The following DTNA variants were observed in gnomAD, a reference collection of about 807,000 sequenced individuals.
The protein encoded by DTNA is dystrophin-related protein 3.
A neutral mutation model predicts 100.7 loss-of-function variants in DTNA; 43 were observed. The ratio of observed to expected loss-of-function variants is 0.43; its 90% confidence interval spans 0.33 to 0.55. The LOEUF is 0.55. Ranked by LOEUF, DTNA falls within the 20% of genes least tolerant of loss-of-function variation. The pLI is 0.04. For synonymous variants in DTNA, 349 were observed against 347.9 expected (o/e 1.00, Z -0.04); for missense variants, 798 against 953.9 (o/e 0.84, Z 2.15).
chr18:34,629,256 T>C (rs2057756089), intron 1 of DTNA, among the ~76,000 whole-genome samples: 1 of 152,200 alleles, frequency 6.6e-6, no homozygotes, highest in South Asian at 2.1e-4. Context: ...TGCTTGAAAA[T>C]TTTTCTTATT....
chr18:34,860,521 A>G (rs2096610946), intron 16 of DTNA, among the ~76,000 whole-genome samples: 2 of 152,164 alleles, frequency 1.3e-5, no homozygotes, highest in African/African-American at 4.8e-5. Flanking sequence ...GACGAAATGA[A>G]GCAAGTTCTT....
chr18:34,617,909 C>CTATAATATATAACATGGG (rs1389949191), intron 1 of DTNA, among the ~76,000 whole-genome samples: 1 of 152,196 alleles, frequency 6.6e-6, no homozygotes, highest in Non-Finnish European at 1.5e-5. Flanking sequence ...TGGTCTGACA[C>CTATAATATATAACATGGG]TTAACCCATG....
chr18:34,596,824 C>T (rs896383144), intron 1 of DTNA, among the ~76,000 whole-genome samples: 1 of 152,080 alleles, frequency 6.6e-6, no homozygotes, highest in African/African-American at 2.4e-5. Flanking sequence ...TGTTTTCTGA[C>T]TTTATTTGAG....
chr18:34,497,026 G>A (rs995629476), intron 1 of DTNA, among the ~76,000 whole-genome samples: 2 of 152,132 alleles, frequency 1.3e-5, no homozygotes, highest in Non-Finnish European at 2.9e-5. Context: ...TAAAGCACAT[G>A]GAACATGTGC....
chr18:34,571,181 C>CT (rs1181819555), intron 1 of DTNA, among the ~76,000 whole-genome samples: 2 of 152,176 alleles, frequency 1.3e-5, no homozygotes, highest in Non-Finnish European at 2.9e-5. Context: ...GTTCTCAACT[C>CT]TAACTACAGA....
chr18:34,777,394 G>C (rs939803118), intron 3 of DTNA, among the ~76,000 whole-genome samples: 1 of 152,140 alleles, frequency 6.6e-6, no homozygotes, highest in Non-Finnish European at 1.5e-5. Context: ...TACCACTGGA[G>C]GTCTACCTAG....
At chr18:34,738,864 CT>C (rs1471884786) in intron 1 of DTNA, among the ~76,000 whole-genome samples, 2 of 152,168 alleles carry the variant, frequency 1.3e-5, no homozygotes, top group Non-Finnish European at 2.9e-5. Context: ...TTGCAAATCA[CT>C]TTTGACAAGT....
intron 1 of DTNA, among the ~76,000 whole-genome samples, chr18:34,550,131 C>T (rs1267647198): frequency 6.6e-6 from 1 of 152,010 alleles, no homozygotes; most frequent in Non-Finnish European, 1.5e-5. Context: ...TTCTTTTATC[C>T]TAGTGTACAA....
chr18:34,497,172 T>C (rs1488233710), intron 1 of DTNA, among the ~76,000 whole-genome samples: 1 of 152,110 alleles, frequency 6.6e-6, no homozygotes, highest in Non-Finnish European at 1.5e-5. Context: ...GGTTTTTTTG[T>C]TGTTGTTGTT....
chr18:34,694,017 T>G (rs561348900), intron 1 of DTNA, among the ~76,000 whole-genome samples: 2 of 152,328 alleles, frequency 1.3e-5, no homozygotes, highest in South Asian at 4.1e-4. Flanking sequence ...AATAACTTGT[T>G]TTATGACTGT....
At chr18:34,560,279 A>G (rs117284494) in intron 1 of DTNA, among the ~76,000 whole-genome samples, 406 of 152,368 alleles carry the variant, frequency 2.7e-3, no homozygotes, top group Non-Finnish European at 4.1e-3. Flanking sequence ...TTATATTCAC[A>G]ATATGTACCA....
Position 34,815,941 on chromosome 18 carries a change from G to A in DTNA, c.636G>A (p.Thr212=), listed in dbSNP as rs781293080. Residue 212 remains threonine, a synonymous_variant, in exon 7 of 23, where the codon ACG becomes ACA. Transcript: ENST00000444659. The stretch of plus-strand genomic sequence containing the variant: ...TCACGTTAAATGGTTTCTTGGACAC[G>A]CTTATGTCAGATCCTCCCCCGCAGT... ...KKVTLNGFLD[T]LMSDPPPQCL... is the part of the protein sequence containing the mutation. 58 of 1,613,624 alleles carry A rather than the reference G, an allele frequency of 3.6e-5. No individual in the cohort carries two copies. Among genetic ancestry groups the A allele is most frequent in the Non-Finnish European group, 4.6e-5 (54 of 1,179,752 alleles).
At chr18:34,537,923 A>C (rs1402062726) in intron 1 of DTNA, among the ~76,000 whole-genome samples, 1 of 152,086 alleles carries the variant, frequency 6.6e-6, no homozygotes, top group Admixed American at 6.6e-5. Flanking sequence ...CTTTAAAATC[A>C]TTAGAGGGAA....
At chr18:34,714,013 A>G (rs543203465) in intron 1 of DTNA, among the ~76,000 whole-genome samples, 2,568 of 151,814 alleles carry the variant, frequency 0.017, 39 homozygotes, top group Non-Finnish European at 0.025. Context: ...TGGTGCTGGG[A>G]AAACTGGCTA....
At chr18:34,678,610 C>T (rs1019285116) in intron 1 of DTNA, among the ~76,000 whole-genome samples, 1 of 152,082 alleles carries the variant, frequency 6.6e-6, no homozygotes, top group African/African-American at 2.4e-5. Context: ...TAACACGCAG[C>T]CTGTGTGTTC....
chr18:34,514,080 G>C (rs1426793608), intron 1 of DTNA: 2 of 152,020 alleles, frequency 1.3e-5, no homozygotes, highest in Non-Finnish European at 2.9e-5. Context: ...ACTCCACAGT[G>C]GCTATTTAAG....
At chr18:34,725,851 A>G (rs992497601) in intron 1 of DTNA, among the ~76,000 whole-genome samples, 1 of 152,218 alleles carries the variant, frequency 6.6e-6, no homozygotes, top group Non-Finnish European at 1.5e-5. Flanking sequence ...ACCAACCCAA[A>G]TGTCCATCGA....
intron 1 of DTNA, among the ~76,000 whole-genome samples, chr18:34,604,102 A>G (rs2052513057): frequency 6.6e-6 from 1 of 152,190 alleles, no homozygotes; most frequent in Non-Finnish European, 1.5e-5. Flanking sequence ...CTGTTATACT[A>G]CCAGCAACTC....
chr18:34,770,711 C>A (rs1601735979), intron 3 of DTNA, among the ~76,000 whole-genome samples: 3 of 151,526 alleles, frequency 2.0e-5, no homozygotes, highest in Non-Finnish European at 4.4e-5. Context: ...TATTTGTAAT[C>A]GATTTGATAA....
Sources: allele counts gnomAD v4.1 joint callset (sites outside exome capture counted in the v4.1 genomes callset), GRCh38; gene constraint gnomAD v4.1.1; transcripts MANE v1.5; gene names NCBI Gene and HGNC (gene_info 2026-07-23, HGNC 2026-07-21).